Variants in ACAD9 observed in about 807,000 individuals in gnomAD.
ACAD9 encodes the protein complex I assembly factor ACAD9, mitochondrial.
Under a neutral mutation model 70.2 loss-of-function variants are expected in ACAD9, and 53 were observed. The observed-to-expected ratio is 0.75, with a 90% CI of 0.61 to 0.95. The LOEUF (loss-of-function observed/expected upper bound fraction) is 0.95, where lower values mean the gene tolerates loss of function less well. Ranked by LOEUF, ACAD9 falls within the 40% of genes least tolerant of loss-of-function variation. The pLI is 0.00. For missense variants in ACAD9, 777 were observed against 802.8 expected, an observed-to-expected ratio of 0.97 and a Z score of 0.39; for synonymous variants, 313 against 312.1, an observed-to-expected ratio of 1.00 and a Z score of -0.03.
chr3:128,898,402 T>C (rs1387615671), intron 6 of ACAD9: 1 of 453,044 alleles, frequency 2.2e-6, no homozygotes, highest in Non-Finnish European at 4.4e-6. Flanking sequence ...ATTTTAAAAA[T>C]TGATAATTTC....
At chr3:128,908,687 C>T (rs867300334) in intron 13 of ACAD9, 8 of 555,572 alleles carry the variant, frequency 1.4e-5, no homozygotes, top group Non-Finnish European at 2.6e-5. Flanking sequence ...CTGCTGGAGG[C>T]CAAGTACAGG....
intron 5 of ACAD9, among the ~76,000 whole-genome samples, chr3:128,897,012 T>G (rs1459212409): frequency 6.6e-6 from 1 of 152,104 alleles, no homozygotes; most frequent in African/African-American, 2.4e-5. Flanking sequence ...CTGGGAACAG[T>G]CATCCTTCCT....
At position 128,901,307 on chromosome 3, in the gene ACAD9, A is replaced by G; in HGVS notation, c.840A>G (p.Ile280Met). 6.2e-7 allele frequency: 1 copy of G among 1,614,206 alleles called. No homozygotes were observed. The highest frequency in any genetic ancestry group is 8.5e-7 in the Non-Finnish European group (1 of 1,180,026). ...AAGTCCATTTTGAAAACACCAAGAT[A>G]CCTGTGGAAAACATCCTTGGAGAGG... ...TCEVHFENTKIPVENILGEVG... is the reference protein window; with the variant it reads ...TCEVHFENTKMPVENILGEVG... The change falls in exon 8 of 18, where the codon ATA (isoleucine) becomes ATG (methionine). Residue 280 changes from isoleucine to methionine, a missense_variant. Coordinates refer to ENST00000308982, the MANE Select transcript of ACAD9 (RefSeq NM_014049.5).
intron 1 of ACAD9, among the ~76,000 whole-genome samples, chr3:128,883,843 T>A (rs1205384047): frequency 6.6e-6 from 1 of 152,164 alleles, no homozygotes; most frequent in Non-Finnish European, 1.5e-5. Context: ...TGATTAGCTG[T>A]ACAAGGTCTG....
Position 128,901,361 on chromosome 3 carries a change from G to A in ACAD9, c.882+12G>A. ...GAGATGGGTTTAAGGTGAGTTGCCAGCCACAGCCCCTTGTACCAGGTAGTG... is the reference window on the plus strand; with the variant it reads ...GAGATGGGTTTAAGGTGAGTTGCCAACCACAGCCCCTTGTACCAGGTAGTG... On this transcript the variant is annotated intron_variant, in intron 8 of 17. Transcript: ENST00000308982. 1.2e-6 allele frequency: 2 copies of A among 1,614,068 alleles called. No homozygotes were observed. Among genetic ancestry groups the A allele is most frequent in the South Asian group, 2.2e-5 (2 of 91,082 alleles).
chr3:128,910,020 G>T lies in ACAD9; in HGVS notation c.1564-1G>T. The stretch of plus-strand genomic sequence containing the variant: ...CCCACTTGGAGCCTCTGTGATCCCA[G>T]ACCATCATGGAGGAGCAGCTGGTAC... On this transcript the variant is annotated splice_acceptor_variant, in intron 15 of 17. Transcript: ENST00000308982. LOFTEE classifies it high-confidence loss of function. 6.2e-7 allele frequency: 1 copy of T among 1,613,438 alleles called. No individual in the cohort carries two copies. Among genetic ancestry groups the T allele is most frequent in the South Asian group, 1.1e-5 (1 of 90,732 alleles).
At chr3:128,889,179 A>C (rs1201209180) in intron 2 of ACAD9, among the ~76,000 whole-genome samples, 1 of 151,080 alleles carries the variant, frequency 6.6e-6, no homozygotes, top group African/African-American at 2.4e-5. Context: ...AAAAAAAAAA[A>C]CAAAAAATAT....
intron 4 of ACAD9, among the ~76,000 whole-genome samples, 183 bp downstream of exon 4, chr3:128,895,599 C>A (rs1026877845): frequency 3.3e-5 from 5 of 152,220 alleles, no homozygotes; most frequent in Non-Finnish European, 7.3e-5. Flanking sequence ...TGCCCACATG[C>A]GCAGTGGCCT....
chr3:128,903,966 C>G, intron 9 of ACAD9, 96 bp from the exon 10 acceptor site: 1 of 1,295,852 alleles, frequency 7.7e-7, no homozygotes, highest in Non-Finnish European at 1.1e-6. Flanking sequence ...TCTCACAGTG[C>G]CCACCTGTGG....
chr3:128,906,586 CAG>C (rs1329259103), intron 12 of ACAD9, among the ~76,000 whole-genome samples: 2 of 152,160 alleles, frequency 1.3e-5, no homozygotes, highest in Non-Finnish European at 2.9e-5. Flanking sequence ...CAGAGGCAGC[CAG>C]AGTTTTGTGA....
At position 128,910,021 on chromosome 3, in the gene ACAD9, A is replaced by T. The variant is rs778405104; in HGVS notation, c.1564A>T (p.Thr522Ser). 1 of 1,613,470 alleles carries T rather than the reference A, an allele frequency of 6.2e-7. No individual in the cohort carries two copies. Among genetic ancestry groups the T allele is most frequent in the South Asian group, 1.1e-5 (1 of 90,770 alleles). Residue 522 changes from threonine (T) to serine (S), a missense_variant and splice_region_variant, in exon 16 of 18, where the codon ACC becomes TCC. By Grantham distance (58) the Thr-to-Ser change is moderately conservative. Coordinates refer to ENST00000308982, the MANE Select transcript of ACAD9 (RefSeq NM_014049.5). ...CCACTTGGAGCCTCTGTGATCCCAG[A>T]CCATCATGGAGGAGCAGCTGGTACT... ...VETLLLRFGKTIMEEQLVLKR... is the reference protein window; with the variant it reads ...VETLLLRFGKSIMEEQLVLKR...
intron 8 of ACAD9, among the ~76,000 whole-genome samples, chr3:128,901,574 T>C (rs1246080235): frequency 6.6e-6 from 1 of 152,234 alleles, no homozygotes; most frequent in East Asian, 1.9e-4. Context: ...TCTGAGGCCC[T>C]ATTCGCCTCG....
At chr3:128,884,542 C>T (rs1239705354) in intron 1 of ACAD9, 111 bp from the exon 2 acceptor site, 10 of 776,562 alleles carry the variant, frequency 1.3e-5, no homozygotes, top group East Asian at 1.1e-4. Flanking sequence ...CGTCATGTCC[C>T]GCTGGCCAGG....
chr3:128,895,600 G>A (rs950845351), intron 4 of ACAD9, among the ~76,000 whole-genome samples, 184 bp downstream of exon 4: 2 of 152,156 alleles, frequency 1.3e-5, no homozygotes, highest in Non-Finnish European at 2.9e-5. Context: ...GCCCACATGC[G>A]CAGTGGCCTT....
intron 1 of ACAD9, among the ~76,000 whole-genome samples, chr3:128,883,777 G>T (rs1935165057): frequency 6.6e-6 from 1 of 152,130 alleles, no homozygotes; most frequent in Non-Finnish European, 1.5e-5. Context: ...GTGGTCCTGG[G>T]CCCAGAGAGG....
chr3:128,911,440 CTCTT>C (rs1040461426), intron 17 of ACAD9, among the ~76,000 whole-genome samples: 4 of 151,904 alleles, frequency 2.6e-5, no homozygotes, highest in African/African-American at 4.8e-5. Context: ...TGGCTGTATT[CTCTT>C]TTTTTTGGAG....
At position 128,908,959 on chromosome 3, in the gene ACAD9, T is replaced by C. The variant is rs1936010604; in HGVS notation, c.1359-14T>C. ...AGCGAGGCCTCCAGTCACAGGACCATGGACTTTCTGCAGTGAGCTTAAACA... is the reference window on the plus strand; with the variant it reads ...AGCGAGGCCTCCAGTCACAGGACCACGGACTTTCTGCAGTGAGCTTAAACA... On this transcript the variant is annotated splice_polypyrimidine_tract_variant and intron_variant, in intron 13 of 17. Transcript: ENST00000308982. 6.2e-7 allele frequency: 1 copy of C among 1,613,904 alleles called. No homozygotes were observed. The highest frequency in any genetic ancestry group is 8.5e-7 in the Non-Finnish European group (1 of 1,179,998).
intron 2 of ACAD9, among the ~76,000 whole-genome samples, chr3:128,886,560 T>C (rs1434399896): frequency 2.6e-5 from 4 of 151,642 alleles, no homozygotes; most frequent in Admixed American, 2.6e-4. Flanking sequence ...AATACAAAAT[T>C]AGCTGGGCGT....
Position 128,893,726 on chromosome 3 carries a change from G to A in ACAD9, c.346+70G>A, listed in dbSNP as rs377665337. Reference sequence around the variant, plus strand: ...AGCACTCTGTATTTGTCCATAACAGGTCTAGTTGCTGGAATAGATGACACC... The same window carrying A: ...AGCACTCTGTATTTGTCCATAACAGATCTAGTTGCTGGAATAGATGACACC... On this transcript the variant is annotated intron_variant, in intron 3 of 17. Coordinates refer to ENST00000308982, the MANE Select transcript of ACAD9 (RefSeq NM_014049.5). 48 of 1,339,514 alleles carry A rather than the reference G, an allele frequency of 3.6e-5. No homozygotes were observed. The African/African-American group carries it at 4.5e-4, about 12-fold the overall frequency. 83.0% of individuals were successfully genotyped at this position (1,339,514 alleles called of 1,614,324 possible).
Sources: gnomAD v4.1 joint callset for allele counts (sites outside exome capture counted in the v4.1 genomes callset) on GRCh38, gnomAD v4.1.1 for gene constraint, MANE v1.5 for transcripts, NCBI Gene and HGNC (gene_info 2026-07-23, HGNC 2026-07-21) for gene names.